SDK1: variants seen among roughly 807,000 people sequenced by gnomAD.
The protein encoded by SDK1 is sidekick cell adhesion molecule 1.
A neutral mutation model predicts 245.5 loss-of-function variants in SDK1; 157 were observed. The observed-to-expected ratio is 0.64, with a 90% CI of 0.56 to 0.73. The LOEUF (loss-of-function observed/expected upper bound fraction) is 0.73. SDK1 is among the 30% of genes least tolerant of loss of function. SDK1 has a pLI of 0.00. For synonymous variants in SDK1, 1,647 were observed against 1,278.5 expected, an observed-to-expected ratio of 1.29 and a Z score of -6.15; for missense variants, 3,583 against 3,002.3, an observed-to-expected ratio of 1.19 and a Z score of -4.52.
intron 1 of SDK1, among the ~76,000 whole-genome samples, chr7:3,565,009 G>C (rs1324483481): frequency 6.6e-6 from 1 of 152,016 alleles, no homozygotes; most frequent in Non-Finnish European, 1.5e-5. Context: ...TTTAAAAGTT[G>C]TAAGCGTTGG....
At chr7:3,881,426 C>T (rs558486344) in intron 5 of SDK1, among the ~76,000 whole-genome samples, 1 of 152,344 alleles carries the variant, frequency 6.6e-6, no homozygotes, top group East Asian at 1.9e-4. Context: ...CTGCAAACGA[C>T]AAGATTTCAT....
chr7:3,309,934 C>G (rs1225720852), intron 1 of SDK1, among the ~76,000 whole-genome samples: 1 of 152,176 alleles, frequency 6.6e-6, no homozygotes, highest in African/African-American at 2.4e-5. Context: ...GAAACTCAGT[C>G]TGAACTACTT....
At chr7:3,757,275 TTTAC>T (rs1005428687) in intron 4 of SDK1, among the ~76,000 whole-genome samples, 26 of 152,296 alleles carry the variant, frequency 1.7e-4, no homozygotes, top group African/African-American at 6.0e-4. Flanking sequence ...AGGAAGTCAC[TTTAC>T]TTACTTCCTT....
Position 4,040,459 on chromosome 7 carries a change from CTCACG to C in SDK1, c.2603-8888_2603-8884del, listed in dbSNP as rs1256329455. ...TAGGGTAATACCCAAAGTTTGTTGT[CTCACG>C]CTGACGAAATCAAGGACCCGGACAC... On this transcript the variant is annotated intron_variant, in intron 17 of 44. Coordinates refer to ENST00000404826, the MANE Select transcript of SDK1 (RefSeq NM_152744.4). 8.0e-3 allele frequency among the ~76,000 whole-genome samples: 1,213 copies of C among 152,236 alleles called. 15 individuals carry two copies. Among genetic ancestry groups the C allele is most frequent in the South Asian group, 0.028 (136 of 4,826 alleles).
chr7:3,424,862 A>C (rs1246516265), intron 1 of SDK1, among the ~76,000 whole-genome samples: 2 of 152,168 alleles, frequency 1.3e-5, no homozygotes, highest in African/African-American at 4.8e-5. Context: ...GCACTACTGC[A>C]CTCCAGCCTT....
At chr7:4,033,197 G>T (rs1446340068) in intron 17 of SDK1, among the ~76,000 whole-genome samples, 1 of 152,076 alleles carries the variant, frequency 6.6e-6, no homozygotes, top group Non-Finnish European at 1.5e-5. Flanking sequence ...AGGACATCTT[G>T]AATAACTGAA....
intron 4 of SDK1, among the ~76,000 whole-genome samples, chr7:3,698,364 G>C (rs1784635835): frequency 6.6e-6 from 1 of 152,174 alleles, no homozygotes; most frequent in Non-Finnish European, 1.5e-5. Flanking sequence ...CGGTATTGGA[G>C]AGAGCACCTG....
At chr7:3,986,661 C>G (rs962943249) in intron 13 of SDK1, among the ~76,000 whole-genome samples, 10 of 152,180 alleles carry the variant, frequency 6.6e-5, no homozygotes, top group South Asian at 2.1e-4. Context: ...GAGTTCAAGA[C>G]CAACCTGGCC....
chr7:3,864,542 T>G (rs551935933), intron 5 of SDK1, among the ~76,000 whole-genome samples: 308 of 152,344 alleles, frequency 2.0e-3, no homozygotes, highest in Non-Finnish European at 3.3e-3. Flanking sequence ...CTAATATCTC[T>G]GCAAGAAAGT....
At chr7:3,794,910 G>C (rs140372586) in intron 4 of SDK1, among the ~76,000 whole-genome samples, 23 of 150,950 alleles carry the variant, frequency 1.5e-4, no homozygotes, top group African/African-American at 5.2e-4. Flanking sequence ...TGGCCTTTAA[G>C]AAAATATTAA....
At chr7:4,084,728 T>TACG (rs755443725) in intron 22 of SDK1, among the ~76,000 whole-genome samples, 4 of 91,234 alleles carry the variant, frequency 4.4e-5, no homozygotes, top group Non-Finnish European at 9.3e-5. Flanking sequence ...TATGTTATGT[T>TACG]ATGTTGTTAC....
At chr7:3,403,963 A>G (rs965237334) in intron 1 of SDK1, among the ~76,000 whole-genome samples, 3 of 149,354 alleles carry the variant, frequency 2.0e-5, no homozygotes, top group Non-Finnish European at 4.4e-5. Context: ...GACCATTGCA[A>G]TAAAGTGAAT....
chr7:3,389,226 C>A (rs1781684288), intron 1 of SDK1, among the ~76,000 whole-genome samples: 1 of 151,944 alleles, frequency 6.6e-6, no homozygotes, highest in Non-Finnish European at 1.5e-5. Context: ...TGAATGTTAC[C>A]TTCAGTGATA....
chr7:3,517,815 A>G (rs1306655439), intron 1 of SDK1, among the ~76,000 whole-genome samples: 1 of 152,164 alleles, frequency 6.6e-6, no homozygotes, highest in Non-Finnish European at 1.5e-5. Context: ...ATCATTACAT[A>G]AGACCATTTT....
At chr7:3,912,106 C>T (rs963868556) in intron 5 of SDK1, among the ~76,000 whole-genome samples, 1 of 152,162 alleles carries the variant, frequency 6.6e-6, no homozygotes, top group Non-Finnish European at 1.5e-5. Flanking sequence ...TACAGAGGAG[C>T]TTGAGCAGAG....
chr7:3,459,671 T>C (rs1016580631), intron 1 of SDK1, among the ~76,000 whole-genome samples: 2 of 152,208 alleles, frequency 1.3e-5, no homozygotes, highest in African/African-American at 4.8e-5. Context: ...CATAAATTGC[T>C]TCGTCGCATA....
At chr7:3,629,313 AAAAAAAAG>A (rs1411835292) in intron 2 of SDK1, among the ~76,000 whole-genome samples, 2 of 87,292 alleles carry the variant, frequency 2.3e-5, no homozygotes, top group Non-Finnish European at 6.7e-5. Context: ...AAAAAAAAAG[AAAAAAAAG>A]AAAAAAAAGA....
intron 17 of SDK1, among the ~76,000 whole-genome samples, chr7:4,045,825 C>G (rs535285143): frequency 1.3e-5 from 2 of 152,300 alleles, no homozygotes; most frequent in South Asian, 4.1e-4. Flanking sequence ...TGGTGAGGTT[C>G]TCTTCACTCA....
chr7:4,095,605 C>G (rs1455449549), intron 22 of SDK1, among the ~76,000 whole-genome samples: 4 of 152,058 alleles, frequency 2.6e-5, no homozygotes, highest in African/African-American at 9.7e-5. Context: ...CGGAGTCTCG[C>G]TCTGTCTCAC....
Sources: allele counts gnomAD v4.1 joint callset (sites outside exome capture counted in the v4.1 genomes callset), GRCh38; gene constraint gnomAD v4.1.1; transcripts MANE v1.5; gene names NCBI Gene and HGNC (gene_info 2026-07-23, HGNC 2026-07-21).